BLVRA: variants seen among roughly 807,000 people sequenced by gnomAD.
BLVRA encodes biliverdin reductase A, also known as BVR A.
BLVRA carries 22 observed loss-of-function variants against 32.8 expected under a neutral mutation model. The observed-to-expected ratio is 0.67, with a 90% confidence interval of 0.48 to 0.96. BLVRA has a LOEUF of 0.96. Among genes scored for constraint, BLVRA ranks in the 40% least tolerant of loss-of-function variants. The pLI is 0.00. For missense variants in BLVRA, 323 were observed against 358.1 expected, an observed-to-expected ratio of 0.90 and a Z score of 0.79; for synonymous variants, 119 against 141.3, an observed-to-expected ratio of 0.84 and a Z score of 1.12.
chr7:43,763,215 G>T (rs2095744303), intron 1 of BLVRA, among the ~76,000 whole-genome samples: 1 of 152,160 alleles, frequency 6.6e-6, no homozygotes, highest in Non-Finnish European at 1.5e-5. Context: ...GACCAGAGCT[G>T]GGAGGAGGGG....
At chr7:43,776,812 G>T (rs1158822941) in intron 2 of BLVRA, among the ~76,000 whole-genome samples, 1 of 152,120 alleles carries the variant, frequency 6.6e-6, no homozygotes, top group Non-Finnish European at 1.5e-5. Context: ...CTTGCTTTAT[G>T]AATCTGGGTG....
chr7:43,759,322 A>G lies in BLVRA; in HGVS notation c.-22+588A>G, dbSNP rs576880954. Among the ~76,000 whole-genome samples, 154 of 152,406 alleles carry G rather than the reference A, an allele frequency of 1.0e-3. 1 individual carries two copies. Among genetic ancestry groups the G allele is most frequent in the African/African-American group, 3.6e-3 (148 of 41,604 alleles). ...CAGTGTTCTGTAAAGTGCACTCTAC[A>G]TATGAAGTGCTCAGAAATATGGCTA... On this transcript the variant is annotated intron_variant, in intron 1 of 7. Transcript: ENST00000265523.
intron 5 of BLVRA, among the ~76,000 whole-genome samples, chr7:43,795,081 C>T (rs1453807157): frequency 3.3e-5 from 5 of 151,996 alleles, no homozygotes; most frequent in Non-Finnish European, 7.3e-5. Flanking sequence ...CCTGGTGGCA[C>T]GTGCCTGTAA....
intron 6 of BLVRA, among the ~76,000 whole-genome samples, chr7:43,801,180 G>T (rs118024890): frequency 6.6e-6 from 1 of 152,010 alleles, no homozygotes; most frequent in Non-Finnish European, 1.5e-5. Context: ...TAAAATTTGT[G>T]TAAACAGTGT....
chr7:43,794,275 A>G (rs922939905), intron 5 of BLVRA, among the ~76,000 whole-genome samples: 1 of 152,144 alleles, frequency 6.6e-6, no homozygotes, highest in African/African-American at 2.4e-5. Context: ...CAGACAAACA[A>G]AAACCAAGTG....
intron 6 of BLVRA, among the ~76,000 whole-genome samples, chr7:43,802,013 G>A (rs1266370359): frequency 6.6e-6 from 1 of 151,958 alleles, no homozygotes; most frequent in Non-Finnish European, 1.5e-5. Context: ...ATGGTGGCAC[G>A]CACCTGTAAT....
intron 1 of BLVRA, among the ~76,000 whole-genome samples, chr7:43,762,606 C>T (rs7784392): frequency 0.2 from 20,768 of 102,036 alleles, 2,237 homozygotes; most frequent in Non-Finnish European, 0.25. Flanking sequence ...CCAGTAGTTC[C>T]TTTTTTTTTT....
intron 2 of BLVRA, among the ~76,000 whole-genome samples, chr7:43,771,393 C>G (rs887910999): frequency 6.6e-6 from 1 of 152,192 alleles, no homozygotes. Context: ...TTACCCACTG[C>G]AGCTAATCCT....
At chr7:43,761,359 G>A (rs963832433) in intron 1 of BLVRA, among the ~76,000 whole-genome samples, 3 of 152,178 alleles carry the variant, frequency 2.0e-5, no homozygotes, top group African/African-American at 7.2e-5. Context: ...GTGTTTCAGT[G>A]TTATCCAATA....
chr7:43,788,104 C>T, intron 3 of BLVRA, 79 bp downstream of exon 3: 1 of 1,609,492 alleles, frequency 6.2e-7, no homozygotes, highest in Non-Finnish European at 8.5e-7. Context: ...TGGAGATTTT[C>T]CAGACCCAGG....
intron 2 of BLVRA, 93 bp downstream of exon 2, chr7:43,771,263 T>A: frequency 6.9e-7 from 1 of 1,448,312 alleles, no homozygotes; most frequent in African/African-American, 1.4e-5. Flanking sequence ...TTCAGAAACA[T>A]CAGCACAAAC....
In BLVRA at chr7:43,773,394, T is replaced by G. The variant is rs1007512892; in HGVS notation, c.12+2224T>G. Among the ~76,000 whole-genome samples, 9 of 152,010 alleles carry G rather than the reference T, an allele frequency of 5.9e-5. No homozygotes were observed. In the South Asian group the frequency reaches 8.3e-4, roughly 14 times the overall value. On this transcript the variant is annotated intron_variant, in intron 2 of 7. Transcript: ENST00000265523. ...ATCAGTGAGAACATGCGGTGTTTGG[T>G]TTTTTGTCCTTGCGATAGCTTGCTG...
intron 1 of BLVRA, among the ~76,000 whole-genome samples, chr7:43,769,758 G>A (rs1275565000): frequency 3.3e-5 from 5 of 152,020 alleles, no homozygotes. Context: ...ACAGGCATGC[G>A]CCACCACACC....
intron 1 of BLVRA, among the ~76,000 whole-genome samples, chr7:43,768,191 C>T (rs1182340050): frequency 6.6e-6 from 1 of 152,216 alleles, no homozygotes; most frequent in African/African-American, 2.4e-5. Flanking sequence ...ATAAGAGTTA[C>T]CTGAATTTCC....
chr7:43,758,334 C>G (rs1028980296), upstream of BLVRA, among the ~76,000 whole-genome samples: 1 of 152,122 alleles, frequency 6.6e-6, no homozygotes, highest in African/African-American at 2.4e-5. Context: ...CGGGCCTGCC[C>G]CCCCCACGCC....
At position 43,800,456 on chromosome 7, in the gene BLVRA, T is replaced by C; in HGVS notation, c.353-9T>C. 1 of 1,613,658 alleles carries C rather than the reference T, an allele frequency of 6.2e-7. No individual in the cohort carries two copies. ...GACTGCCCTTTTTATTCCATTTTTGTCGTTACAGGAAAAGTCTTGCACGAG... is the reference window on the plus strand; with the variant it reads ...GACTGCCCTTTTTATTCCATTTTTGCCGTTACAGGAAAAGTCTTGCACGAG... On this transcript the variant is annotated splice_polypyrimidine_tract_variant and intron_variant, in intron 5 of 7. Coordinates refer to ENST00000265523, the MANE Select transcript of BLVRA (RefSeq NM_000712.4).
At chr7:43,797,487 T>G (rs1437121691) in intron 5 of BLVRA, among the ~76,000 whole-genome samples, 1 of 152,250 alleles carries the variant, frequency 6.6e-6, no homozygotes, top group Non-Finnish European at 1.5e-5. Flanking sequence ...ATAACTTGTG[T>G]ATGAACCGGG....
At chr7:43,800,143 G>C (rs1276364067) in intron 5 of BLVRA, among the ~76,000 whole-genome samples, 2 of 151,930 alleles carry the variant, frequency 1.3e-5, no homozygotes, top group Non-Finnish European at 2.9e-5. Flanking sequence ...TTTAGTAGAG[G>C]TGGGGTTTCA....
chr7:43,797,089 G>A (rs185343293), intron 5 of BLVRA, among the ~76,000 whole-genome samples: 66 of 152,338 alleles, frequency 4.3e-4, no homozygotes, highest in Non-Finnish European at 7.8e-4. Context: ...TCAGATGGTA[G>A]CATTTTTTGT....
Sources: allele counts gnomAD v4.1 joint callset (sites outside exome capture counted in the v4.1 genomes callset), GRCh38; gene constraint gnomAD v4.1.1; transcripts MANE v1.5; gene names NCBI Gene and HGNC (gene_info 2026-07-23, HGNC 2026-07-21).